Variants in LINGO2 observed in about 807,000 individuals in gnomAD.
LINGO2 encodes the protein leucine-rich repeat and immunoglobulin-like domain-containing nogo receptor-interacting protein 2.
LINGO2 carries 14 observed loss-of-function variants against 30.6 expected under a neutral mutation model. That is an observed-to-expected ratio of 0.46 (90% CI 0.30 to 0.72). The LOEUF is 0.72. Among genes scored for constraint, LINGO2 ranks in the 30% least tolerant of loss-of-function variants. The pLI is 0.07. For missense variants in LINGO2, 729 were observed against 751.7 expected, an observed-to-expected ratio of 0.97 and a Z score of 0.35; for synonymous variants, 317 against 288.5, an observed-to-expected ratio of 1.10 and a Z score of -1.00.
chr9:28,491,697 A>C (rs1215443294), intron 1 of LINGO2, among the ~76,000 whole-genome samples: 1 of 152,208 alleles, frequency 6.6e-6, no homozygotes, highest in Non-Finnish European at 1.5e-5. Context: ...CTACAAGTGC[A>C]ATATTTCATT....
chr9:28,022,105 G>A (rs1563919620), intron 4 of LINGO2, among the ~76,000 whole-genome samples: 1 of 151,464 alleles, frequency 6.6e-6, no homozygotes. Context: ...CTCCTCTTTT[G>A]GAATATCAGT....
the LINGO2 span, among the ~76,000 whole-genome samples, chr9:28,989,811 A>G: frequency 3.3e-5 from 5 of 152,206 alleles, no homozygotes; most frequent in African/African-American, 9.7e-5. Context: ...GAACATAAAC[A>G]TATGTAAATG....
intron 4 of LINGO2, among the ~76,000 whole-genome samples, chr9:28,191,974 C>T (rs1001785314): frequency 2.0e-5 from 3 of 152,142 alleles, no homozygotes; most frequent in Non-Finnish European, 4.4e-5. Context: ...CTGTCGACTC[C>T]CAGATGTTTA....
chr9:28,784,193 G>A, the LINGO2 span, among the ~76,000 whole-genome samples: 1 of 152,188 alleles, frequency 6.6e-6, no homozygotes, highest in African/African-American at 2.4e-5. Flanking sequence ...TTTCTTGTAA[G>A]GAGAGATTGG....
chr9:28,123,355 A>T (rs751091116), intron 4 of LINGO2, among the ~76,000 whole-genome samples: 1 of 152,190 alleles, frequency 6.6e-6, no homozygotes, highest in Non-Finnish European at 1.5e-5. Context: ...GGTAGGAGCA[A>T]TCTGGACTTG....
the LINGO2 span, among the ~76,000 whole-genome samples, chr9:28,992,355 A>G: frequency 1.3e-5 from 2 of 152,078 alleles, no homozygotes; most frequent in African/African-American, 2.4e-5. Context: ...GGAGCACCCA[A>G]ATTCATAAAG....
At chr9:28,791,018 T>G in the LINGO2 span, among the ~76,000 whole-genome samples, 5 of 152,168 alleles carry the variant, frequency 3.3e-5, no homozygotes, top group Non-Finnish European at 7.4e-5. Flanking sequence ...CAAAGTTTTT[T>G]TAAAACATTA....
intron 1 of LINGO2, among the ~76,000 whole-genome samples, chr9:28,665,489 G>A (rs1037770946): frequency 2.0e-5 from 3 of 152,048 alleles, no homozygotes; most frequent in Non-Finnish European, 2.9e-5. Context: ...TTGCTATTTG[G>A]AGTGGTGAGA....
intron 4 of LINGO2, among the ~76,000 whole-genome samples, chr9:28,034,167 G>A (rs907141971): frequency 6.6e-6 from 1 of 152,150 alleles, no homozygotes; most frequent in South Asian, 2.1e-4. Context: ...GGGCTTGCTG[G>A]GGCGTTCAGC....
the LINGO2 span, among the ~76,000 whole-genome samples, chr9:28,842,423 A>G: frequency 6.6e-6 from 1 of 151,882 alleles, no homozygotes; most frequent in South Asian, 2.1e-4. Context: ...ATTCCTGAAC[A>G]CTTATTAAGG....
the LINGO2 span, among the ~76,000 whole-genome samples, chr9:28,944,321 C>T: frequency 6.6e-6 from 1 of 151,680 alleles, no homozygotes; most frequent in Non-Finnish European, 1.5e-5. Context: ...CAAAGCCAAA[C>T]CTAGATACAA....
intron 2 of LINGO2, among the ~76,000 whole-genome samples, chr9:28,380,390 G>GTTGT (rs1821303715): frequency 6.9e-6 from 1 of 144,770 alleles, no homozygotes; most frequent in African/African-American, 2.5e-5. Flanking sequence ...GACTATAAAG[G>GTTGT]TTTTTTTTTT....
chr9:28,056,077 G>C (rs575763064), intron 4 of LINGO2, among the ~76,000 whole-genome samples: 1 of 152,096 alleles, frequency 6.6e-6, no homozygotes, highest in Non-Finnish European at 1.5e-5. Flanking sequence ...AAAAAGAAAG[G>C]AGCTCCCCGC....
At chr9:28,408,724 C>A in intron 2 of LINGO2, among the ~76,000 whole-genome samples, 1 of 141,482 alleles carries the variant, frequency 7.1e-6, no homozygotes, top group African/African-American at 2.7e-5. Flanking sequence ...ACATATGTAA[C>A]AAACCTGCAC....
chr9:28,639,860 A>G (rs1012458300), intron 1 of LINGO2, among the ~76,000 whole-genome samples: 4 of 152,142 alleles, frequency 2.6e-5, no homozygotes, highest in African/African-American at 9.7e-5. Context: ...TGATCCTGTC[A>G]TTATGATGTT....
chr9:28,779,145 A>G, the LINGO2 span, among the ~76,000 whole-genome samples: 13 of 152,226 alleles, frequency 8.5e-5, no homozygotes, highest in Non-Finnish European at 1.6e-4. Flanking sequence ...AAATGCATGC[A>G]AAAGAATTTC....
the LINGO2 span, among the ~76,000 whole-genome samples, chr9:29,100,906 C>T: frequency 6.6e-6 from 1 of 151,882 alleles, no homozygotes; most frequent in South Asian, 2.1e-4. Flanking sequence ...ACAGAAGAAA[C>T]TGCGGAGAAA....
At chr9:28,616,017 T>C (rs1054904701) in intron 1 of LINGO2, among the ~76,000 whole-genome samples, 2 of 152,056 alleles carry the variant, frequency 1.3e-5, no homozygotes, top group Non-Finnish European at 2.9e-5. Flanking sequence ...GGAAAGATTA[T>C]TGATTGGGAG....
intron 5 of LINGO2, among the ~76,000 whole-genome samples, chr9:28,009,978 T>C (rs1391963945): frequency 6.6e-6 from 1 of 152,058 alleles, no homozygotes; most frequent in African/African-American, 2.4e-5. Flanking sequence ...CAAATGTCCA[T>C]AAACTGATGA....
Sources: gnomAD v4.1 joint callset for allele counts (sites outside exome capture counted in the v4.1 genomes callset) on GRCh38, gnomAD v4.1.1 for gene constraint, MANE v1.5 for transcripts, NCBI Gene and HGNC (gene_info 2026-07-23, HGNC 2026-07-21) for gene names.